The following TENM4 variants were observed in gnomAD, a reference collection of about 807,000 sequenced individuals.
The protein encoded by TENM4 is teneurin-4.
Under a neutral mutation model 243.3 loss-of-function variants are expected in TENM4, and 82 were observed. The observed-to-expected ratio is 0.34, with a 90% CI of 0.28 to 0.40. TENM4 has a LOEUF of 0.40. Among genes scored for constraint, TENM4 ranks in the 10% least tolerant of loss-of-function variants. The pLI is 1.00. For synonymous variants in TENM4, 1,412 were observed against 1,456.3 expected (o/e 0.97, Z 0.69); for missense variants, 3,138 against 3,673.3 (o/e 0.85, Z 3.77).
At chr11:78,797,506 G>T (rs1442603712) in intron 15 of TENM4, among the ~76,000 whole-genome samples, 1 of 152,224 alleles carries the variant, frequency 6.6e-6, no homozygotes, top group African/African-American at 2.4e-5. Context: ...AATTCTGATA[G>T]AAAACGTTCC....
At chr11:78,829,727 C>T (rs1857934710) in intron 12 of TENM4, among the ~76,000 whole-genome samples, 1 of 152,060 alleles carries the variant, frequency 6.6e-6, no homozygotes, top group Non-Finnish European at 1.5e-5. Flanking sequence ...TAAGAAAGCC[C>T]CTGTCCACAG....
At chr11:78,903,564 G>GC (rs1565118737) in intron 6 of TENM4, 41 bp from the exon 7 acceptor site, 1 of 1,540,164 alleles carries the variant, frequency 6.5e-7, no homozygotes, top group South Asian at 1.2e-5. Flanking sequence ...TGAGCTTGGT[G>GC]CTGCCCCTCG....
chr11:78,940,878 T>C (rs1856877030), intron 6 of TENM4, among the ~76,000 whole-genome samples: 1 of 152,170 alleles, frequency 6.6e-6, no homozygotes, highest in Admixed American at 6.5e-5. Context: ...CTTTCTCTTC[T>C]CTCCCTGGTC....
chr11:78,796,836 T>C (rs1191517873), intron 15 of TENM4, among the ~76,000 whole-genome samples: 1 of 152,226 alleles, frequency 6.6e-6, no homozygotes, highest in Non-Finnish European at 1.5e-5. Flanking sequence ...ACTTCTACAA[T>C]TGGCTGTTGC....
intron 1 of TENM4, among the ~76,000 whole-genome samples, chr11:79,425,809 T>C (rs963240118): frequency 6.6e-6 from 1 of 152,194 alleles, no homozygotes; most frequent in Non-Finnish European, 1.5e-5. Flanking sequence ...TCTGAACAAG[T>C]GAATTTAATT....
chr11:78,839,068 T>G, intron 12 of TENM4, among the ~76,000 whole-genome samples: 1 of 152,222 alleles, frequency 6.6e-6, no homozygotes, highest in East Asian at 1.9e-4. Flanking sequence ...TATTCTCATT[T>G]ATTAAGGATT....
intron 3 of TENM4, among the ~76,000 whole-genome samples, chr11:79,163,416 TAG>T (rs1035810016): frequency 6.6e-6 from 1 of 152,016 alleles, no homozygotes; most frequent in African/African-American, 2.4e-5. Context: ...TTTTTTTTAA[TAG>T]TTTTTTTGGG....
chr11:78,912,446 T>G (rs188126323), intron 6 of TENM4, among the ~76,000 whole-genome samples: 34 of 152,294 alleles, frequency 2.2e-4, no homozygotes, highest in Non-Finnish European at 2.9e-4. Context: ...TAGTAGAGAC[T>G]GGGTTTCACC....
At chr11:79,109,312 C>A (rs1238243705) in intron 4 of TENM4, among the ~76,000 whole-genome samples, 1 of 152,146 alleles carries the variant, frequency 6.6e-6, no homozygotes, top group Non-Finnish European at 1.5e-5. Context: ...CCTTGGAGGG[C>A]TTGGTGTGAC....
intron 16 of TENM4, among the ~76,000 whole-genome samples, chr11:78,782,977 A>G (rs1856867997): frequency 6.6e-6 from 1 of 152,144 alleles, no homozygotes; most frequent in South Asian, 2.1e-4. Flanking sequence ...ATAATTCTGT[A>G]TATGTGGTAT....
At position 78,697,185 on chromosome 11, in the gene TENM4, C is replaced by T. The variant is rs1246212436; in HGVS notation, c.5087+4341G>A. Among the ~76,000 whole-genome samples, 4 of 152,200 alleles carry T rather than the reference C, an allele frequency of 2.6e-5. No individual in the cohort carries two copies. The East Asian group carries it at 7.7e-4, about 29-fold the overall frequency. ...TGGACCTGCCCAATTGCTACAGCCTCCAAGGGCTTCAGACTCTCTTGCCAG... is the reference window on the plus strand; with the variant it reads ...TGGACCTGCCCAATTGCTACAGCCTTCAAGGGCTTCAGACTCTCTTGCCAG... On this transcript the variant is annotated intron_variant, in intron 28 of 33. Transcript: ENST00000278550.
chr11:78,777,122 T>A (rs1049599578), intron 17 of TENM4, among the ~76,000 whole-genome samples: 10 of 152,136 alleles, frequency 6.6e-5, no homozygotes, highest in African/African-American at 2.4e-4. Context: ...AAATTTTCCA[T>A]CAAATAGATG....
At chr11:79,107,590 T>G (rs1405156723) in intron 4 of TENM4, among the ~76,000 whole-genome samples, 4 of 152,200 alleles carry the variant, frequency 2.6e-5, no homozygotes, top group African/African-American at 9.7e-5. Flanking sequence ...GGTTTGACCT[T>G]GTGTCCATGA....
At chr11:79,065,096 G>C (rs531284625) in intron 5 of TENM4, 89 bp from the exon 6 acceptor site, 3 of 1,412,260 alleles carry the variant, frequency 2.1e-6, no homozygotes, top group African/African-American at 1.5e-5. Flanking sequence ...TTACCCCAGG[G>C]CTCACTGTCG....
intron 3 of TENM4, among the ~76,000 whole-genome samples, chr11:79,161,204 AG>A (rs1862739962): frequency 6.6e-6 from 1 of 152,206 alleles, no homozygotes; most frequent in Non-Finnish European, 1.5e-5. Context: ...TCTCTGTTAA[AG>A]CAGCCACGCC....
rs753335970 is a variant in TENM4, at chr11:78,786,997, C to T, written c.2266G>A (p.Asp756Asn). 1.6e-5 allele frequency: 25 copies of T among 1,573,648 alleles called. No homozygotes were observed. The highest frequency in any genetic ancestry group is 5.5e-5 in the Admixed American group (3 of 54,922). ...CAGCGCGGGTGGCAGGCCCGCTGGT[C>T]GCAGGCTGCCCCCATCCAGCCATCC... ...CEDGWMGAAC[D>N]QRACHPRCAE... Residue 756 changes from aspartate to asparagine, a missense_variant, in exon 16 of 34, where the codon GAC becomes AAC. Coordinates refer to ENST00000278550, the MANE Select transcript of TENM4 (RefSeq NM_001098816.3).
intron 1 of TENM4, among the ~76,000 whole-genome samples, chr11:79,320,984 A>G (rs1178464360): frequency 2.0e-5 from 3 of 152,198 alleles, no homozygotes; most frequent in Non-Finnish European, 4.4e-5. Flanking sequence ...AGCATCCCTG[A>G]TTCACAGCTG....
chr11:79,098,914 C>A (rs530243404), intron 4 of TENM4, among the ~76,000 whole-genome samples: 2 of 152,252 alleles, frequency 1.3e-5, no homozygotes, highest in South Asian at 4.1e-4. Flanking sequence ...CTGACCTTCA[C>A]TTTCCCCATC....
At chr11:78,810,937 C>T (rs768973673) in intron 14 of TENM4, among the ~76,000 whole-genome samples, 47 of 152,268 alleles carry the variant, frequency 3.1e-4, no homozygotes, top group Non-Finnish European at 4.6e-4. Flanking sequence ...CAGTTTCAAA[C>T]GGCAAATTCC....
Sources: allele counts gnomAD v4.1 joint callset (sites outside exome capture counted in the v4.1 genomes callset), GRCh38; gene constraint gnomAD v4.1.1; transcripts MANE v1.5; gene names NCBI Gene and HGNC (gene_info 2026-07-23, HGNC 2026-07-21).